TAFA4: variants seen among roughly 807,000 people sequenced by gnomAD.
TAFA4 encodes chemokine-like protein TAFA-4.
Under a neutral mutation model 21.1 loss-of-function variants are expected in TAFA4, and 20 were observed. The observed-to-expected ratio is 0.95, with a 90% CI of 0.67 to 1.38. The LOEUF (loss-of-function observed/expected upper bound fraction) is 1.38. TAFA4 is among the 40% of genes most tolerant of loss of function. The probability of loss-of-function intolerance (pLI) is 0.00; values close to 1 mark genes in which losing one functional copy is unlikely to be tolerated. For synonymous variants in TAFA4, 71 were observed against 67.4 expected, an observed-to-expected ratio of 1.05 and a Z score of -0.26; for missense variants, 211 against 180.9, an observed-to-expected ratio of 1.17 and a Z score of -0.95.
At chr3:68,747,541 C>T (rs190609790) in intron 4 of TAFA4, among the ~76,000 whole-genome samples, 42 of 152,276 alleles carry the variant, frequency 2.8e-4, no homozygotes, top group South Asian at 2.5e-3. Context: ...GTGAGGCCTC[C>T]CCAGCCACGT....
intron 4 of TAFA4, among the ~76,000 whole-genome samples, chr3:68,745,186 G>A (rs961919593): frequency 1.3e-5 from 2 of 152,180 alleles, no homozygotes; most frequent in Admixed American, 6.5e-5. Context: ...AGAGAATAAG[G>A]TGATTAAACA....
intron 3 of TAFA4, among the ~76,000 whole-genome samples, chr3:68,799,414 G>C (rs1035073320): frequency 6.6e-6 from 1 of 151,980 alleles, no homozygotes. Context: ...CCTCATGACC[G>C]AATCACCTCC....
intron 3 of TAFA4, among the ~76,000 whole-genome samples, chr3:68,857,962 A>C (rs1293419164): frequency 6.6e-6 from 1 of 152,146 alleles, no homozygotes; most frequent in Non-Finnish European, 1.5e-5. Context: ...TCATCCCATC[A>C]TTCAGTAATT....
chr3:68,815,610 C>T (rs575101679), intron 3 of TAFA4, among the ~76,000 whole-genome samples: 36 of 152,258 alleles, frequency 2.4e-4, no homozygotes, highest in South Asian at 1.9e-3. Context: ...AAAACCACAA[C>T]GAGATGCCAT....
rs138903879 is a variant in TAFA4, at chr3:68,741,711, G to A, written c.287-2512C>T. Among the ~76,000 whole-genome samples the A allele has an allele frequency of 3.8e-3, 584 of 152,204 alleles. 6 individuals are homozygous for A. Among genetic ancestry groups the A allele is most frequent in the African/African-American group, 0.013 (533 of 41,534 alleles). On this transcript the variant is annotated intron_variant, in intron 4 of 5. Transcript: ENST00000295569. ...GGAGGCTGAGGCAGGAGAATGGTGT[G>A]AACCCGGGAGGTGGAGCTTGCAGTG...
intron 3 of TAFA4, among the ~76,000 whole-genome samples, chr3:68,828,438 A>G (rs1704304960): frequency 6.6e-6 from 1 of 152,108 alleles, no homozygotes; most frequent in African/African-American, 2.4e-5. Flanking sequence ...CTTGATGGGA[A>G]TAGCACTGAA....
Position 68,807,899 on chromosome 3 carries a change from C to T in TAFA4, c.131-54881G>A, listed in dbSNP as rs1463473194. Among the ~76,000 whole-genome samples, 3 of 152,256 alleles carry T rather than the reference C, an allele frequency of 2.0e-5. No individual in the cohort carries two copies. In the East Asian group the frequency reaches 5.8e-4, roughly 29 times the overall value. The stretch of plus-strand genomic sequence containing the variant: ...CAAGTATCTGGTAACAACAATATGT[C>T]CTCTGGTGTTGTCATGCCAGAGCAT... On this transcript the variant is annotated intron_variant, in intron 3 of 5. Coordinates refer to ENST00000295569, the MANE Select transcript of TAFA4 (RefSeq NM_182522.5).
intron 1 of TAFA4, among the ~76,000 whole-genome samples, chr3:68,887,261 A>G (rs2089682393): frequency 6.6e-6 from 1 of 152,248 alleles, no homozygotes; most frequent in Non-Finnish European, 1.5e-5. Flanking sequence ...AAGCTGGAGA[A>G]TAATGTCCTT....
chr3:68,807,853 C>A (rs1703736923), intron 3 of TAFA4, among the ~76,000 whole-genome samples: 1 of 152,138 alleles, frequency 6.6e-6, no homozygotes, highest in Non-Finnish European at 1.5e-5. Flanking sequence ...GTGTCATTCA[C>A]AAAGATTTGA....
chr3:68,809,434 ATTTG>A (rs751321897), intron 3 of TAFA4, among the ~76,000 whole-genome samples: 2 of 151,850 alleles, frequency 1.3e-5, no homozygotes, highest in Admixed American at 6.6e-5. Context: ...TGCCAATATG[ATTTG>A]TTTGTGATTT....
intron 3 of TAFA4, among the ~76,000 whole-genome samples, chr3:68,779,902 G>A (rs1296537155): frequency 6.6e-6 from 1 of 152,176 alleles, no homozygotes; most frequent in Non-Finnish European, 1.5e-5. Flanking sequence ...CGTGCTGCTG[G>A]AAAAGCTGCA....
intron 1 of TAFA4, chr3:68,916,140 A>T (rs1239748911): frequency 6.6e-6 from 1 of 152,214 alleles, no homozygotes; most frequent in African/African-American, 2.4e-5. Context: ...ACTCCATCTA[A>T]TGTTAATCAT....
At chr3:68,833,099 G>A (rs1180897316) in intron 3 of TAFA4, among the ~76,000 whole-genome samples, 2 of 152,182 alleles carry the variant, frequency 1.3e-5, no homozygotes, top group African/African-American at 4.8e-5. Context: ...ATTCCTCCAG[G>A]TATAGTCACT....
chr3:68,833,174 C>CCA (rs1704441055), intron 3 of TAFA4, among the ~76,000 whole-genome samples: 1 of 152,204 alleles, frequency 6.6e-6, no homozygotes, highest in Non-Finnish European at 1.5e-5. Flanking sequence ...AGGCAACACC[C>CCA]CACCCTGCTT....
chr3:68,921,544 C>G (rs2090061269), intron 1 of TAFA4, among the ~76,000 whole-genome samples: 1 of 152,064 alleles, frequency 6.6e-6, no homozygotes, highest in Non-Finnish European at 1.5e-5. Flanking sequence ...AGCAATAAGC[C>G]AGGCATCTGT....
At chr3:68,898,881 A>G (rs1295254432) in intron 1 of TAFA4, among the ~76,000 whole-genome samples, 3 of 152,146 alleles carry the variant, frequency 2.0e-5, no homozygotes, top group African/African-American at 7.2e-5. Context: ...AGATTCCACT[A>G]CCTGGGAAGA....
chr3:68,785,882 C>G (rs1294772099), intron 3 of TAFA4, among the ~76,000 whole-genome samples: 1 of 152,248 alleles, frequency 6.6e-6, no homozygotes, highest in African/African-American at 2.4e-5. Context: ...GTTAAATGCA[C>G]ACCCTCTTTA....
At chr3:68,917,615 G>A (rs1324685654) in intron 1 of TAFA4, among the ~76,000 whole-genome samples, 8 of 152,004 alleles carry the variant, frequency 5.3e-5, no homozygotes, top group South Asian at 4.2e-4. Context: ...TTAGCCGGGC[G>A]TGGTGGCACA....
intron 1 of TAFA4, among the ~76,000 whole-genome samples, chr3:68,891,949 G>C (rs2089734548): frequency 6.6e-6 from 1 of 152,208 alleles, no homozygotes; most frequent in African/African-American, 2.4e-5. Flanking sequence ...ACAATGAAAT[G>C]TAACTTCTCT....
Sources: allele counts gnomAD v4.1 joint callset (sites outside exome capture counted in the v4.1 genomes callset), GRCh38; gene constraint gnomAD v4.1.1; transcripts MANE v1.5; gene names NCBI Gene and HGNC (gene_info 2026-07-23, HGNC 2026-07-21).